ADAMTS17: variants seen among roughly 807,000 people sequenced by gnomAD.
The protein encoded by ADAMTS17 is ADAM metallopeptidase with thrombospondin type 1 motif 17.
ADAMTS17 carries 113 observed loss-of-function variants against 141.5 expected under a neutral mutation model. The ratio of observed to expected loss-of-function variants is 0.80; its 90% CI spans 0.69 to 0.93. The LOEUF (loss-of-function observed/expected upper bound fraction) is 0.93, where lower values mean the gene tolerates loss of function less well. Ranked by LOEUF, ADAMTS17 falls within the 40% of genes least tolerant of loss-of-function variation. The pLI is 0.00. For missense variants in ADAMTS17, 1,659 were observed against 1,517.9 expected (o/e 1.09, Z -1.54); for synonymous variants, 768 against 630.6 (o/e 1.22, Z -3.27).
chr15:100,032,976 G>A (rs967768972), intron 18 of ADAMTS17, among the ~76,000 whole-genome samples: 8 of 152,112 alleles, frequency 5.3e-5, no homozygotes, highest in Admixed American at 1.3e-4. Flanking sequence ...TGTACTTTAC[G>A]TCTTAGCAAG....
intron 7 of ADAMTS17, among the ~76,000 whole-genome samples, chr15:100,253,187 G>C (rs541815660): frequency 6.6e-6 from 1 of 151,374 alleles, no homozygotes; most frequent in Non-Finnish European, 1.5e-5. Context: ...ACAAAGGTTC[G>C]CGTTATGGCA....
At chr15:100,316,645 C>A (rs1012932464) in intron 3 of ADAMTS17, among the ~76,000 whole-genome samples, 1 of 152,228 alleles carries the variant, frequency 6.6e-6, no homozygotes, top group East Asian at 1.9e-4. Context: ...TTTTGGGAAA[C>A]CCACTCTATG....
intron 3 of ADAMTS17, among the ~76,000 whole-genome samples, chr15:100,328,867 G>C (rs142819713): frequency 6.6e-6 from 1 of 152,276 alleles, no homozygotes; most frequent in East Asian, 1.9e-4. Flanking sequence ...CGTGAGCAGA[G>C]AGAACAGTGA....
chr15:100,153,163 T>C (rs1249250314), intron 9 of ADAMTS17, among the ~76,000 whole-genome samples: 1 of 152,246 alleles, frequency 6.6e-6, no homozygotes, highest in Non-Finnish European at 1.5e-5. Context: ...TTAGACTTGC[T>C]TTACTTTAAA....
At chr15:100,317,026 G>C (rs2045586949) in intron 3 of ADAMTS17, among the ~76,000 whole-genome samples, 1 of 152,184 alleles carries the variant, frequency 6.6e-6, no homozygotes, top group Non-Finnish European at 1.5e-5. Context: ...ATAGTTTTTA[G>C]AGTGATATGG....
intron 7 of ADAMTS17, among the ~76,000 whole-genome samples, chr15:100,208,592 T>C (rs1419884074): frequency 6.6e-6 from 1 of 152,230 alleles, no homozygotes; most frequent in Admixed American, 6.5e-5. Flanking sequence ...CGGGGGCTGA[T>C]ATTGTCTTGT....
intron 15 of ADAMTS17, among the ~76,000 whole-genome samples, chr15:100,079,674 G>GA (rs2034604665): frequency 2.0e-5 from 3 of 152,212 alleles, no homozygotes; most frequent in Admixed American, 2.0e-4. Flanking sequence ...TTCCATCATG[G>GA]AAACGGCAGT....
chr15:100,113,545 A>G (rs1596469253), intron 13 of ADAMTS17, among the ~76,000 whole-genome samples: 1 of 152,150 alleles, frequency 6.6e-6, no homozygotes, highest in Non-Finnish European at 1.5e-5. Flanking sequence ...TGTGGCCCAA[A>G]AGGATCTGGG....
chr15:100,032,510 C>T (rs1484365178), intron 18 of ADAMTS17, among the ~76,000 whole-genome samples: 2 of 152,140 alleles, frequency 1.3e-5, no homozygotes, highest in African/African-American at 2.4e-5. Flanking sequence ...CTTTGGGCTG[C>T]GAGTTTCACT....
chr15:100,086,989 A>G (rs2035146412), intron 15 of ADAMTS17, among the ~76,000 whole-genome samples: 3 of 152,194 alleles, frequency 2.0e-5, no homozygotes, highest in Admixed American at 1.3e-4. Flanking sequence ...AATAACTAAG[A>G]TCAGAGCAGA....
At chr15:100,082,020 GTCAGTCTA>G (rs1367718689) in intron 15 of ADAMTS17, among the ~76,000 whole-genome samples, 3 of 152,146 alleles carry the variant, frequency 2.0e-5, no homozygotes, top group African/African-American at 7.2e-5. Context: ...TGCAAAAATT[GTCAGTCTA>G]TCAGTCTATC....
intron 20 of ADAMTS17, among the ~76,000 whole-genome samples, chr15:99,991,689 T>C (rs1048289036): frequency 3.3e-5 from 5 of 152,200 alleles, no homozygotes; most frequent in Admixed American, 6.5e-5. Context: ...CCCAAAGGAT[T>C]ATAAACCATT....
At chr15:100,118,318 T>C (rs1266990499) in intron 12 of ADAMTS17, among the ~76,000 whole-genome samples, 2 of 152,260 alleles carry the variant, frequency 1.3e-5, no homozygotes, top group African/African-American at 4.8e-5. Flanking sequence ...TTTTGCCAAC[T>C]CCTGGTCTAC....
intron 13 of ADAMTS17, among the ~76,000 whole-genome samples, chr15:100,110,252 A>AATACATAT (rs1483073884): frequency 3.8e-5 from 5 of 132,454 alleles, no homozygotes; most frequent in African/African-American, 1.7e-4. Context: ...TATATATATA[A>AATACATAT]ATACATATAT....
At chr15:100,310,567 G>A (rs1324678043) in intron 3 of ADAMTS17, among the ~76,000 whole-genome samples, 2 of 152,170 alleles carry the variant, frequency 1.3e-5, no homozygotes, top group Non-Finnish European at 2.9e-5. Flanking sequence ...TAAGCACAGG[G>A]TGCAGTGTGG....
intron 15 of ADAMTS17, among the ~76,000 whole-genome samples, chr15:100,080,723 T>G (rs2034677501): frequency 6.6e-6 from 1 of 152,252 alleles, no homozygotes; most frequent in Non-Finnish European, 1.5e-5. Flanking sequence ...ATGTATACAC[T>G]TGTACTAAGA....
intron 15 of ADAMTS17, among the ~76,000 whole-genome samples, chr15:100,086,186 A>G (rs1250231171): frequency 3.3e-5 from 5 of 152,140 alleles, no homozygotes; most frequent in South Asian, 2.1e-4. Flanking sequence ...AAAAAGGCAG[A>G]GGTTGCAATC....
chr15:100,079,180 T>C (rs563829368), intron 15 of ADAMTS17, among the ~76,000 whole-genome samples: 32 of 152,258 alleles, frequency 2.1e-4, no homozygotes, highest in African/African-American at 7.2e-4. Context: ...GAATTCTCAC[T>C]CACCAATTCC....
intron 14 of ADAMTS17, among the ~76,000 whole-genome samples, chr15:100,105,617 G>C (rs999947394): frequency 6.6e-6 from 1 of 152,164 alleles, no homozygotes; most frequent in Non-Finnish European, 1.5e-5. Context: ...AGGTGATTAG[G>C]TCAAGAGGGG....
Sources: gnomAD v4.1 joint callset for allele counts (sites outside exome capture counted in the v4.1 genomes callset) on GRCh38, gnomAD v4.1.1 for gene constraint, MANE v1.5 for transcripts, NCBI Gene and HGNC (gene_info 2026-07-23, HGNC 2026-07-21) for gene names.